VPS13B: variants seen among roughly 807,000 people sequenced by gnomAD.
The protein encoded by VPS13B is intermembrane lipid transfer protein VPS13B.
Under a neutral mutation model 426.4 loss-of-function variants are expected in VPS13B, and 285 were observed. The ratio of observed to expected loss-of-function variants is 0.67; its 90% confidence interval spans 0.61 to 0.74. The LOEUF (loss-of-function observed/expected upper bound fraction) is 0.74. Among genes scored for constraint, VPS13B ranks in the 30% least tolerant of loss-of-function variants. The probability of loss-of-function intolerance (pLI) is 0.00; values close to 1 mark genes in which losing one functional copy is unlikely to be tolerated. For synonymous variants in VPS13B, 1,676 were observed against 1,676.4 expected, an observed-to-expected ratio of 1.00 and a Z score of 0.01; for missense variants, 4,537 against 4,782.6, an observed-to-expected ratio of 0.95 and a Z score of 1.51.
At chr8:99,221,019 A>G (rs1815687429) in intron 17 of VPS13B, among the ~76,000 whole-genome samples, 1 of 91,218 alleles carries the variant, frequency 1.1e-5, no homozygotes, top group African/African-American at 4.3e-5. Flanking sequence ...ATTCCCACCT[A>G]TGAGTGAGAA....
chr8:99,171,789 TA>T (rs548892825), intron 16 of VPS13B, among the ~76,000 whole-genome samples: 192 of 151,546 alleles, frequency 1.3e-3, no homozygotes, highest in African/African-American at 4.1e-3. Flanking sequence ...TTAATAAATG[TA>T]AAAAAAAACT....
chr8:99,088,561 C>G (rs972682254), intron 3 of VPS13B, among the ~76,000 whole-genome samples: 1 of 152,084 alleles, frequency 6.6e-6, no homozygotes, highest in African/African-American at 2.4e-5. Flanking sequence ...TTGAGGTGCT[C>G]ACATAAAAAA....
At chr8:99,145,955 C>T (rs1275158373) in intron 13 of VPS13B, among the ~76,000 whole-genome samples, 1 of 152,184 alleles carries the variant, frequency 6.6e-6, no homozygotes, top group Non-Finnish European at 1.5e-5. Flanking sequence ...TACATCTTCC[C>T]AGCATTTTGT....
intron 21 of VPS13B, among the ~76,000 whole-genome samples, chr8:99,424,723 A>G (rs1421683582): frequency 1.3e-5 from 2 of 152,220 alleles, no homozygotes; most frequent in African/African-American, 4.8e-5. Flanking sequence ...GCAGAATTGA[A>G]GGAAATAGAG....
At chr8:99,827,850 C>T (rs1333499137) in intron 51 of VPS13B, among the ~76,000 whole-genome samples, 1 of 152,194 alleles carries the variant, frequency 6.6e-6, no homozygotes, top group Non-Finnish European at 1.5e-5. Context: ...ACCCAGTAGT[C>T]ATTCAGGAGC....
chr8:99,657,826 A>G (rs1429428271), intron 34 of VPS13B, among the ~76,000 whole-genome samples: 2 of 152,182 alleles, frequency 1.3e-5, no homozygotes, highest in African/African-American at 4.8e-5. Context: ...TTCCAAGGAC[A>G]TGTACATTTA....
intron 15 of VPS13B, among the ~76,000 whole-genome samples, chr8:99,168,043 T>G (rs1812113326): frequency 6.6e-6 from 1 of 152,136 alleles, no homozygotes. Context: ...TGTATCTGAT[T>G]GCTGTAATTT....
At position 99,652,684 on chromosome 8, in the gene VPS13B, G is replaced by T. The variant is rs1215042394; in HGVS notation, c.5909-8670G>T. 4.6e-5 allele frequency among the ~76,000 whole-genome samples: 7 copies of T among 151,856 alleles called. No individual in the cohort carries two copies. The East Asian group carries it at 1.3e-3, about 29-fold the overall frequency. On this transcript the variant is annotated intron_variant, in intron 34 of 61. Coordinates refer to ENST00000357162, the MANE Select transcript of VPS13B (RefSeq NM_152564.5). Reference sequence around the variant, plus strand: ...TATCTTGATTTCATTTAGTTATTGTGACTTTAAGAAAAAGATTGAATTATA... The same window carrying T: ...TATCTTGATTTCATTTAGTTATTGTTACTTTAAGAAAAAGATTGAATTATA...
intron 33 of VPS13B, among the ~76,000 whole-genome samples, chr8:99,621,270 G>T (rs1249581132): frequency 6.6e-6 from 1 of 152,160 alleles, no homozygotes; most frequent in African/African-American, 2.4e-5. Flanking sequence ...AATTGAGAAA[G>T]ATTACTTGCA....
intron 30 of VPS13B, chr8:99,536,619 C>CT (rs779708931): frequency 8.8e-5 from 47 of 533,796 alleles, no homozygotes; most frequent in Admixed American, 2.5e-4. Flanking sequence ...CCCCATTATC[C>CT]TTTAACTGAA....
At chr8:99,024,310 G>A (rs1842038158) in intron 2 of VPS13B, among the ~76,000 whole-genome samples, 6 of 152,252 alleles carry the variant, frequency 3.9e-5, no homozygotes, top group African/African-American at 1.4e-4. Flanking sequence ...GTGCTATTGA[G>A]TTGTTTGAGT....
At position 99,553,014 on chromosome 8, in the gene VPS13B, G is replaced by A. The variant is rs560271835; in HGVS notation, c.4746-3436G>A. Among the ~76,000 whole-genome samples the A allele has an allele frequency of 3.3e-5, 5 of 152,206 alleles. No individual in the cohort carries two copies. The South Asian group carries it at 1.0e-3, about 31-fold the overall frequency. On this transcript the variant is annotated intron_variant, in intron 30 of 61. Coordinates refer to ENST00000357162, the MANE Select transcript of VPS13B (RefSeq NM_152564.5). ...TTTCTAATTCACCCTTTCACTACTG[G>A]TGACCCTTCGTGATCTCAGCTTTAT... is the stretch of plus-strand genomic sequence containing the variant.
intron 35 of VPS13B, among the ~76,000 whole-genome samples, chr8:99,692,827 A>T (rs1831746058): frequency 6.8e-6 from 1 of 146,858 alleles, no homozygotes; most frequent in Non-Finnish European, 1.5e-5. Context: ...AAGAGAGAAG[A>T]ATCAAATAGA....
At chr8:99,542,827 C>G (rs932698228) in intron 30 of VPS13B, among the ~76,000 whole-genome samples, 3 of 152,106 alleles carry the variant, frequency 2.0e-5, no homozygotes, top group African/African-American at 7.2e-5. Flanking sequence ...TACTACCTAC[C>G]TCATAGGGTT....
At chr8:99,797,985 A>G (rs899371498) in intron 43 of VPS13B, among the ~76,000 whole-genome samples, 1 of 151,932 alleles carries the variant, frequency 6.6e-6, no homozygotes, top group African/African-American at 2.4e-5. Context: ...TAGCAGTTCC[A>G]TTTGGGGAGG....
chr8:99,555,102 CT>C (rs1402904196), intron 30 of VPS13B, among the ~76,000 whole-genome samples: 1 of 152,064 alleles, frequency 6.6e-6, no homozygotes, highest in East Asian at 1.9e-4. Flanking sequence ...ATCTCACTAG[CT>C]GAGCCACTTG....
chr8:99,719,409 C>T (rs545158082), intron 37 of VPS13B, among the ~76,000 whole-genome samples: 3 of 152,190 alleles, frequency 2.0e-5, no homozygotes, highest in African/African-American at 7.2e-5. Flanking sequence ...GATGAGAACA[C>T]AAGTACACTT....
At chr8:99,699,418 A>G in intron 35 of VPS13B, 107 bp from the exon 36 acceptor site, 7 of 1,237,288 alleles carry the variant, frequency 5.7e-6, no homozygotes, top group Non-Finnish European at 6.9e-6. Flanking sequence ...TAATGAGTCC[A>G]TAATATGGAT....
At chr8:99,427,012 G>A (rs1407134718) in intron 21 of VPS13B, among the ~76,000 whole-genome samples, 1 of 60,042 alleles carries the variant, frequency 1.7e-5, no homozygotes, top group Non-Finnish European at 3.1e-5. Context: ...GAATGGTCAT[G>A]CCTAGGTTTT....
Sources: gnomAD v4.1 joint callset for allele counts (sites outside exome capture counted in the v4.1 genomes callset) on GRCh38, gnomAD v4.1.1 for gene constraint, MANE v1.5 for transcripts, NCBI Gene and HGNC (gene_info 2026-07-23, HGNC 2026-07-21) for gene names.